The following CWH43 variants were observed in gnomAD, a reference collection of about 807,000 sequenced individuals.
The protein encoded by CWH43 is cell wall biogenesis 43 C-terminal homolog.
A neutral mutation model predicts 85.7 loss-of-function variants in CWH43; 91 were observed. That is an observed-to-expected ratio of 1.06 (90% CI 0.90 to 1.26). CWH43 has a LOEUF of 1.26. CWH43 is among the 50% of genes most tolerant of loss of function. The probability of loss-of-function intolerance (pLI) is 0.00; values close to 1 mark genes in which losing one functional copy is unlikely to be tolerated. For missense variants in CWH43, 869 were observed against 839.2 expected, an observed-to-expected ratio of 1.04 and a Z score of -0.44; for synonymous variants, 323 against 293.6, an observed-to-expected ratio of 1.10 and a Z score of -1.02.
In CWH43 at chr4:48,992,173, TA is replaced by T. The variant is rs1450032196; in HGVS notation, c.511+87del. ...TTGCACATCTTGGAAAGAAAATCTA[TA>T]AAAGTAGTCTTTCTGCATTATATCT... is the stretch of plus-strand genomic sequence containing the variant. On this transcript the variant is annotated intron_variant, in intron 4 of 15. Transcript: ENST00000226432. This position sits in a 1 kb window ranked among gnomAD's most constrained non-coding sequence, Gnocchi z 4.3. The T allele has an allele frequency of 2.5e-6, 3 of 1,192,910 alleles. No homozygotes were observed. The highest frequency in any genetic ancestry group is 1.5e-5 in the African/African-American group (1 of 66,558). 73.9% of individuals were successfully genotyped at this position (1,192,910 alleles called of 1,614,324 possible).
At chr4:48,986,665 T>C (rs1782505300) in intron 1 of CWH43, 193 bp downstream of exon 1, 2 of 1,361,006 alleles carry the variant, frequency 1.5e-6, no homozygotes, top group Non-Finnish European at 1.9e-6. Context: ...TAGATTGAAG[T>C]CTTCAAGCTG....
intron 14 of CWH43, among the ~76,000 whole-genome samples, chr4:49,049,640 T>A (rs1469173350): frequency 5.3e-5 from 8 of 152,152 alleles, no homozygotes; most frequent in Admixed American, 3.3e-4. Flanking sequence ...CCGGTCATGG[T>A]GGAGTTGGCC....
intron 8 of CWH43, among the ~76,000 whole-genome samples, chr4:49,008,592 G>A (rs757632335): frequency 1.1e-4 from 16 of 152,068 alleles, no homozygotes; most frequent in Admixed American, 5.2e-4. Flanking sequence ...TTCTTCTAGC[G>A]CTTTTATGGT....
Position 49,058,717 on chromosome 4 carries a change from G to A in CWH43, c.2022-3095G>A, listed in dbSNP as rs575284929. ...GTCCTTACCTTTCCTTGTCCCTGAA[G>A]GACAGCCTTGCTACATAGTATTCTT... On this transcript the variant is annotated intron_variant, in intron 15 of 15. Coordinates refer to ENST00000226432, the MANE Select transcript of CWH43 (RefSeq NM_025087.3). Among the ~76,000 whole-genome samples the A allele has an allele frequency of 3.3e-5, 5 of 152,260 alleles. No homozygotes were observed. The East Asian group carries it at 7.7e-4, about 23-fold the overall frequency.
intron 1 of CWH43, among the ~76,000 whole-genome samples, chr4:48,987,962 G>A (rs2109735310): frequency 6.6e-6 from 1 of 152,228 alleles, no homozygotes; most frequent in African/African-American, 2.4e-5. Flanking sequence ...AATTTTGTCA[G>A]TCAGGGTCCT....
intron 14 of CWH43, among the ~76,000 whole-genome samples, 153 bp downstream of exon 14, chr4:49,045,000 A>G (rs543932361): frequency 3.9e-4 from 60 of 152,330 alleles, no homozygotes; most frequent in African/African-American, 1.4e-3. Flanking sequence ...TTGACTATAC[A>G]GTTTAACATC....
chr4:49,009,341 G>C (rs1783275234), intron 8 of CWH43, among the ~76,000 whole-genome samples: 1 of 152,204 alleles, frequency 6.6e-6, no homozygotes, highest in African/African-American at 2.4e-5. Context: ...CTGAGACTTT[G>C]CTGAAGTTGT....
At chr4:49,026,488 A>G (rs1783920549) in intron 9 of CWH43, among the ~76,000 whole-genome samples, 1 of 151,954 alleles carries the variant, frequency 6.6e-6, no homozygotes, top group African/African-American at 2.4e-5. Context: ...TTTGCCTCCT[A>G]TTTGTCATTT....
chr4:49,016,616 A>G, intron 8 of CWH43: 3 of 743,224 alleles, frequency 4.0e-6, no homozygotes, highest in South Asian at 2.7e-5. Flanking sequence ...ATGAGGCCAC[A>G]AAAGAGGGCA....
chr4:48,991,698 T>C, intron 3 of CWH43, 124 bp downstream of exon 3: 1 of 1,181,794 alleles, frequency 8.5e-7, no homozygotes, highest in South Asian at 1.6e-5. Context: ...AAGTCTCCTT[T>C]TTTTTCCTTT....
intron 9 of CWH43, among the ~76,000 whole-genome samples, chr4:49,021,136 A>G (rs1489346032): frequency 1.4e-4 from 21 of 152,124 alleles, no homozygotes; most frequent in Admixed American, 1.4e-3. Flanking sequence ...GCCTAAGCCA[A>G]TTTTAAAAGA....
At position 49,050,812 on chromosome 4, in the gene CWH43, C is replaced by T; in HGVS notation, c.1984C>T (p.His662Tyr). 1.2e-6 allele frequency: 2 copies of T among 1,612,258 alleles called. No individual in the cohort carries two copies. Among genetic ancestry groups the T allele is most frequent in the Non-Finnish European group, 1.7e-6 (2 of 1,179,110 alleles). The part of the protein sequence containing the change: ...YRDNQKVVID[H>Y]REVSEKIHFN... ...AGACAACCAGAAAGTGGTCATAGAC[C>T]ACAGAGAAGTTTCTGAGAAAATTCA... The change falls in exon 15 of 16, where the codon CAC (histidine) becomes TAC (tyrosine). Residue 662 changes from histidine (H) to tyrosine (Y), a missense_variant. Transcript: ENST00000226432.
intron 7 of CWH43, among the ~76,000 whole-genome samples, chr4:49,004,906 T>C (rs1313579309): frequency 6.6e-6 from 1 of 152,186 alleles, no homozygotes; most frequent in Non-Finnish European, 1.5e-5. Context: ...AATTTTAATA[T>C]TTTAAAAATT....
intron 13 of CWH43, among the ~76,000 whole-genome samples, chr4:49,042,124 C>T (rs1277937377): frequency 6.6e-6 from 1 of 152,140 alleles, no homozygotes; most frequent in Non-Finnish European, 1.5e-5. Context: ...GGGGATAGTT[C>T]ATGTCTGCTC....
intron 11 of CWH43, 124 bp from the exon 12 acceptor site, chr4:49,032,442 T>C: frequency 9.5e-7 from 1 of 1,056,102 alleles, no homozygotes; most frequent in Non-Finnish European, 1.4e-6. Context: ...CCGCATTGCT[T>C]TGAATGTCCC....
At chr4:49,045,901 T>G (rs1784608713) in intron 14 of CWH43, among the ~76,000 whole-genome samples, 1 of 152,046 alleles carries the variant, frequency 6.6e-6, no homozygotes, top group Non-Finnish European at 1.5e-5. Context: ...TCTTTTCTAT[T>G]TGAAATATAT....
intron 15 of CWH43, among the ~76,000 whole-genome samples, chr4:49,059,980 T>G (rs1458924516): frequency 6.6e-6 from 1 of 152,092 alleles, no homozygotes; most frequent in Admixed American, 6.5e-5. Context: ...TTAAACTCAG[T>G]GCTGGGGTCT....
chr4:48,990,487 G>A (rs567506188), intron 2 of CWH43, among the ~76,000 whole-genome samples: 2 of 152,206 alleles, frequency 1.3e-5, no homozygotes, highest in East Asian at 3.9e-4. Flanking sequence ...ATACAGAGAG[G>A]ATCTGAGCAT....
In CWH43 at chr4:48,988,524, T is replaced by C. The variant is rs757248760; in HGVS notation, c.91T>C (p.Tyr31His). ...LYHDLGPMIY[Y>H]FPLQTLELTG... Reference sequence around the variant, plus strand: ...CCATGACCTGGGACCGATGATCTATTACTTTCCTTTGCAAACACTAGAACT... The same window carrying C: ...CCATGACCTGGGACCGATGATCTATCACTTTCCTTTGCAAACACTAGAACT... The change falls in exon 2 of 16, where the codon TAC (tyrosine) becomes CAC (histidine). Residue 31 changes from tyrosine (Y) to histidine (H), a missense_variant. By Grantham distance (83) the Tyr-to-His change is moderately conservative. Transcript: ENST00000226432. 13 of 1,612,844 alleles carry C rather than the reference T, an allele frequency of 8.1e-6. No individual in the cohort carries two copies. The highest frequency in any genetic ancestry group is 1.1e-5 in the Non-Finnish European group (13 of 1,179,622).
Sources: allele counts gnomAD v4.1 joint callset (sites outside exome capture counted in the v4.1 genomes callset), GRCh38; gene constraint gnomAD v4.1.1; non-coding constraint Gnocchi (gnomAD v3.1); transcripts MANE v1.5; gene names NCBI Gene and HGNC (gene_info 2026-07-23, HGNC 2026-07-21).